SUSD4: variants seen among roughly 807,000 people sequenced by gnomAD.
The protein encoded by SUSD4 is sushi domain containing 4.
In SUSD4, 41 loss-of-function variants were observed where a neutral mutation model predicts 50.5. The ratio of observed to expected loss-of-function variants is 0.81; its 90% CI spans 0.63 to 1.05. SUSD4 has a LOEUF of 1.05. Among genes scored for constraint, SUSD4 ranks in the 50% least tolerant of loss-of-function variants. The pLI, the probability that SUSD4 is intolerant of heterozygous loss-of-function variation, is 0.00. For synonymous variants in SUSD4, 257 were observed against 257.3 expected, an observed-to-expected ratio of 1.00 and a Z score of 0.01; for missense variants, 580 against 634.7, an observed-to-expected ratio of 0.91 and a Z score of 0.93.
In SUSD4 at chr1:223,363,470, G is replaced by A. The variant is rs1669123716; in HGVS notation, c.-35-10C>T. ...TCCAGCTTGCAAGAGTCTGCAACCA[G>A]AAGCGGAACACCACAATAAGCCAGT... is the stretch of plus-strand genomic sequence containing the variant. On this transcript the variant is annotated splice_polypyrimidine_tract_variant and intron_variant, in intron 1 of 8. Coordinates refer to ENST00000366878, the MANE Select transcript of SUSD4 (RefSeq NM_017982.4). 1 of 1,487,458 alleles carries A rather than the reference G, an allele frequency of 6.7e-7. No individual in the cohort carries two copies. Among genetic ancestry groups the A allele is most frequent in the Non-Finnish European group, 9.0e-7 (1 of 1,107,658 alleles). The allele number at this position is 1,487,458 out of a possible 1,614,324, so 92.1% of individuals were successfully genotyped here. A position where few individuals can be genotyped will look rare whatever the true frequency, so the allele number is the denominator to read the frequency against.
At chr1:223,363,515 A>G in intron 1 of SUSD4, 55 bp from the exon 2 acceptor site, 1 of 1,376,770 alleles carries the variant, frequency 7.3e-7, no homozygotes, top group Non-Finnish European at 9.6e-7. Context: ...CTCGGGGGCC[A>G]CGCTCCCCCT....
intron 2 of SUSD4, among the ~76,000 whole-genome samples, chr1:223,350,710 A>G (rs1282593244): frequency 6.6e-6 from 1 of 152,222 alleles, no homozygotes; most frequent in Non-Finnish European, 1.5e-5. Flanking sequence ...TCAAGCTATG[A>G]GTACTCAACT....
Position 223,264,740 on chromosome 1 carries a change from A to C in SUSD4, c.614T>G (p.Val205Gly). 6.2e-7 allele frequency: 1 copy of C among 1,614,140 alleles called. No homozygotes were observed. The highest frequency in any genetic ancestry group is 8.5e-7 in the Non-Finnish European group (1 of 1,179,950). ...ELQTSFPVGTVISYRCFPGFK... is the reference protein window; with the variant it reads ...ELQTSFPVGTGISYRCFPGFK... Reference sequence around the variant, plus strand: ...TCCGGGAAAGCAGCGATAGGAGATCACAGTCCCCACCGGGAAGGAGGTCTG... The same window carrying C: ...TCCGGGAAAGCAGCGATAGGAGATCCCAGTCCCCACCGGGAAGGAGGTCTG... Residue 205 changes from valine (V) to glycine (G), a missense_variant, in exon 5 of 9, where the codon GTG becomes GGG. By Grantham distance (109) the Val-to-Gly change is moderately radical. Coordinates refer to ENST00000366878, the MANE Select transcript of SUSD4 (RefSeq NM_017982.4).
chr1:223,290,804 G>T (rs915794955), intron 3 of SUSD4, among the ~76,000 whole-genome samples: 1 of 152,206 alleles, frequency 6.6e-6, no homozygotes, highest in Non-Finnish European at 1.5e-5. Context: ...TATAGGGTTG[G>T]AAAGAAGCTT....
chr1:223,227,517 C>T lies in SUSD4; in HGVS notation c.1061+77G>A. The T allele has an allele frequency of 1.3e-6, 2 of 1,545,912 alleles. No individual in the cohort carries two copies. Among genetic ancestry groups the T allele is most frequent in the African/African-American group, 1.4e-5 (1 of 73,828 alleles). ...TTTAGAGCTTCAACTTTTCACTCAT[C>T]ACTTTCTCCCTCTGCTGCTAAGGGT... On this transcript the variant is annotated intron_variant, in intron 7 of 8. Coordinates refer to ENST00000366878, the MANE Select transcript of SUSD4 (RefSeq NM_017982.4). This position sits in a 1 kb window ranked among gnomAD's most constrained non-coding sequence, Gnocchi z 4.5.
chr1:223,314,203 T>G (rs1666043973), intron 2 of SUSD4, among the ~76,000 whole-genome samples: 1 of 152,206 alleles, frequency 6.6e-6, no homozygotes, highest in African/African-American at 2.4e-5. Context: ...ACTTTATGCC[T>G]GTTACTAAAC....
Position 223,319,867 on chromosome 1 carries a change from G to A in SUSD4, c.149-27216C>T, listed in dbSNP as rs193178074. On this transcript the variant is annotated intron_variant, in intron 2 of 8. Transcript: ENST00000366878. ...TTTCACTGCAGAACTATTGGTAGGA[G>A]GGGTGGATGGTGGAAAAGGCAAGGG... Among the ~76,000 whole-genome samples the A allele has an allele frequency of 6.6e-5, 10 of 152,356 alleles. 1 individual carries two copies. The East Asian group carries it at 9.6e-4, about 15-fold the overall frequency.
chr1:223,349,968 G>T lies in SUSD4; in HGVS notation c.148+13310C>A, dbSNP rs72745921. Among the ~76,000 whole-genome samples the T allele has an allele frequency of 2.1e-3, 315 of 152,186 alleles. 1 individual carries two copies. Among genetic ancestry groups the T allele is most frequent in the Admixed American group, 4.8e-3 (73 of 15,284 alleles). ...TAAAGTTAAATGAAGTCATAAGGTGGGGCCCTAATCCAACATGACCACAGA... is the reference window on the plus strand; with the variant it reads ...TAAAGTTAAATGAAGTCATAAGGTGTGGCCCTAATCCAACATGACCACAGA... On this transcript the variant is annotated intron_variant, in intron 2 of 8. Coordinates refer to ENST00000366878, the MANE Select transcript of SUSD4 (RefSeq NM_017982.4).
intron 6 of SUSD4, among the ~76,000 whole-genome samples, chr1:223,228,836 G>A (rs978370071): frequency 2.0e-5 from 3 of 151,892 alleles, no homozygotes; most frequent in African/African-American, 7.3e-5. Context: ...AGAGTGTGGA[G>A]GCTGGAGGTC....
At chr1:223,256,052 G>A (rs1558186515) in intron 5 of SUSD4, among the ~76,000 whole-genome samples, 1 of 152,232 alleles carries the variant, frequency 6.6e-6, no homozygotes. Flanking sequence ...CCTTGCCTGG[G>A]AAGGAGGGAG....
At chr1:223,263,793 A>G in intron 5 of SUSD4, 1 of 985,454 alleles carries the variant, frequency 1.0e-6, no homozygotes, top group Non-Finnish European at 1.2e-6. Flanking sequence ...GTAAGAACTC[A>G]TTTGTTTCCA....
At position 223,309,553 on chromosome 1, in the gene SUSD4, C is replaced by T. The variant is rs571539363; in HGVS notation, c.149-16902G>A. Among the ~76,000 whole-genome samples the T allele has an allele frequency of 7.9e-5, 12 of 152,264 alleles. No homozygotes were observed. In the South Asian group the frequency reaches 2.5e-3, roughly 32 times the overall value. ...TAGGACTGAGTTCCTAAGGGGCAAC[C>T]TGAGCCCTCTCACTATAGCAGTGCC... On this transcript the variant is annotated intron_variant, in intron 2 of 8. Transcript: ENST00000366878.
At chr1:223,239,638 A>G (rs1660446042) in intron 5 of SUSD4, among the ~76,000 whole-genome samples, 1 of 152,040 alleles carries the variant, frequency 6.6e-6, no homozygotes, top group Admixed American at 6.5e-5. Flanking sequence ...GTACCTTATA[A>G]TTACAAAATG....
chr1:223,352,362 A>C (rs1215037692), intron 2 of SUSD4, among the ~76,000 whole-genome samples: 1 of 152,194 alleles, frequency 6.6e-6, no homozygotes, highest in Non-Finnish European at 1.5e-5. Context: ...TTTTCAGCAA[A>C]GCCACTCTCG....
At chr1:223,360,160 T>A (rs1212717330) in intron 2 of SUSD4, 1 of 469,456 alleles carries the variant, frequency 2.1e-6, no homozygotes. Context: ...TGGCAGAGCC[T>A]GATTGAGTTA....
At chr1:223,306,968 G>T (rs549313025) in intron 2 of SUSD4, among the ~76,000 whole-genome samples, 2 of 151,128 alleles carry the variant, frequency 1.3e-5, no homozygotes, top group Non-Finnish European at 2.9e-5. Flanking sequence ...TTTTTGGGGG[G>T]GGGTGTCCCT....
At chr1:223,252,719 C>CATT (rs566578856) in intron 5 of SUSD4, among the ~76,000 whole-genome samples, 1 of 149,480 alleles carries the variant, frequency 6.7e-6, no homozygotes, top group Non-Finnish European at 1.5e-5. Context: ...ATATAATTGG[C>CATT]TTTTTTTTTT....
chr1:223,228,784 C>T (rs143525947), intron 6 of SUSD4, among the ~76,000 whole-genome samples: 163 of 152,110 alleles, frequency 1.1e-3, no homozygotes, highest in African/African-American at 3.5e-3. Context: ...ACCCACAGGC[C>T]TGTGTCCTTA....
At chr1:223,286,146 C>T (rs964557025) in intron 3 of SUSD4, among the ~76,000 whole-genome samples, 3 of 151,824 alleles carry the variant, frequency 2.0e-5, no homozygotes, top group African/African-American at 7.3e-5. Flanking sequence ...GATGGAGTCT[C>T]GCTCTGTCGC....
Sources: gnomAD v4.1 joint callset for allele counts (sites outside exome capture counted in the v4.1 genomes callset) on GRCh38, gnomAD v4.1.1 for gene constraint, Gnocchi (gnomAD v3.1) non-coding constraint, MANE v1.5 for transcripts, NCBI Gene and HGNC (gene_info 2026-07-23, HGNC 2026-07-21) for gene names.